Variants in VPS13A observed in about 807,000 individuals in gnomAD.
The protein encoded by VPS13A is vacuolar protein sorting 13 homolog A.
A neutral mutation model predicts 390.9 loss-of-function variants in VPS13A; 264 were observed. That is an observed-to-expected ratio of 0.68 (90% CI 0.61 to 0.75). The LOEUF (loss-of-function observed/expected upper bound fraction) is 0.75. Ranked by LOEUF, VPS13A falls within the 30% of genes least tolerant of loss-of-function variation. The probability of loss-of-function intolerance (pLI) is 0.00; values close to 1 mark genes in which losing one functional copy is unlikely to be tolerated. For missense variants in VPS13A, 3,409 were observed against 3,733.9 expected (o/e 0.91, Z 2.27); for synonymous variants, 1,231 against 1,227.1 (o/e 1.00, Z -0.07).
intron 59 of VPS13A, among the ~76,000 whole-genome samples, chr9:77,361,624 A>G (rs1341351561): frequency 2.6e-5 from 4 of 152,102 alleles, no homozygotes; most frequent in African/African-American, 7.2e-5. Flanking sequence ...TGATTAAGCA[A>G]TTCCAATCCT....
chr9:77,270,118 CCAAGCAGTGAGTTGTTGCTTAA>C, intron 23 of VPS13A, among the ~76,000 whole-genome samples: 1 of 152,162 alleles, frequency 6.6e-6, no homozygotes, highest in African/African-American at 2.4e-5. Flanking sequence ...CGTTTTGGTA[CCAAGCAGTGAGTTGTTGCTTAA>C]CAAGCACTTA....
chr9:77,289,518 G>A (rs937547279), intron 31 of VPS13A, among the ~76,000 whole-genome samples: 3 of 151,668 alleles, frequency 2.0e-5, no homozygotes, highest in African/African-American at 7.3e-5. Flanking sequence ...ATATTTTATT[G>A]TTGTACATAT....
rs781146689 is a variant in VPS13A at position 77,282,204 on chromosome 9, A to G, written c.3048A>G (p.Gln1016=). The change falls in exon 29 of 72, where the codon CAA becomes CAG. Residue 1016 remains glutamine (Q), a synonymous_variant. Coordinates refer to ENST00000360280, the MANE Select transcript of VPS13A (RefSeq NM_033305.3). ...ATTATCTTCATAATATCCTTCCGCA[A>G]TCAGAGGAAAAATCAGCCCCAGTGT... The part of the protein sequence containing the change: ...TINYLHNILP[Q]SEEKSAPVST... 5 of 1,613,508 alleles carry G rather than the reference A, an allele frequency of 3.1e-6. No homozygotes were observed. In the South Asian group the frequency reaches 4.4e-5, roughly 14 times the overall value.
intron 1 of VPS13A, among the ~76,000 whole-genome samples, chr9:77,186,370 A>T (rs995037510): frequency 7.2e-5 from 11 of 152,156 alleles, no homozygotes; most frequent in African/African-American, 2.4e-4. Flanking sequence ...TAATTCTCTA[A>T]TGCTCCTGTG....
At chr9:77,216,880 T>C (rs1035510151) in intron 10 of VPS13A, among the ~76,000 whole-genome samples, 2 of 152,138 alleles carry the variant, frequency 1.3e-5, no homozygotes, top group African/African-American at 2.4e-5. Flanking sequence ...AGGAGAAAGA[T>C]GTAGGCTCAG....
At chr9:77,228,746 G>T (rs558727806) in intron 17 of VPS13A, among the ~76,000 whole-genome samples, 1 of 152,260 alleles carries the variant, frequency 6.6e-6, no homozygotes, top group South Asian at 2.1e-4. Flanking sequence ...AGACTGGGAA[G>T]AAAAAGAGGT....
chr9:77,391,031 T>C (rs568905511), intron 68 of VPS13A, among the ~76,000 whole-genome samples: 2 of 152,158 alleles, frequency 1.3e-5, no homozygotes, highest in Non-Finnish European at 2.9e-5. Context: ...TACGTTCAAT[T>C]TGAGTCTTAC....
At position 77,344,286 on chromosome 9, in the gene VPS13A, GT is replaced by G. The variant is rs747383490; in HGVS notation, c.7155+14del. 5.0e-6 allele frequency: 8 copies of G among 1,606,116 alleles called. No individual in the cohort carries two copies. Among genetic ancestry groups the G allele is most frequent in the South Asian group, 2.2e-5 (2 of 90,726 alleles). On this transcript the variant is annotated splice_donor_region_variant and intron_variant, in intron 51 of 71. Coordinates refer to ENST00000360280, the MANE Select transcript of VPS13A (RefSeq NM_033305.3). ...CTATTGCGTCTAGATAACGAGGTAA[GT>G]TTTTTTTTCTTTTTTGCATGTGTCA...
At position 77,236,268 on chromosome 9, in the gene VPS13A, G is replaced by A. The variant is rs909027607; in HGVS notation, c.1596-1734G>A. 5.3e-5 allele frequency among the ~76,000 whole-genome samples: 8 copies of A among 152,218 alleles called. No individual in the cohort carries two copies. The South Asian group carries it at 1.0e-3, about 20-fold the overall frequency. ...TGTTTGGTTCTTTTTAATAATTTCTGTCGATTTATATTCTGTGCTCAAATG... is the reference window on the plus strand; with the variant it reads ...TGTTTGGTTCTTTTTAATAATTTCTATCGATTTATATTCTGTGCTCAAATG... On this transcript the variant is annotated intron_variant, in intron 17 of 71. Transcript: ENST00000360280.
At chr9:77,247,834 T>A (rs1465904142) in intron 20 of VPS13A, among the ~76,000 whole-genome samples, 2 of 152,078 alleles carry the variant, frequency 1.3e-5, no homozygotes, top group African/African-American at 4.8e-5. Context: ...CTAATTTTTG[T>A]ATTTTTAGTA....
At chr9:77,244,831 T>G (rs116957572) in intron 19 of VPS13A, among the ~76,000 whole-genome samples, 500 of 152,062 alleles carry the variant, frequency 3.3e-3, no homozygotes, top group Non-Finnish European at 5.7e-3. Flanking sequence ...ATGCCCCAAT[T>G]TAGTCTTGGT....
intron 23 of VPS13A, among the ~76,000 whole-genome samples, chr9:77,268,575 G>T (rs928615236): frequency 2.0e-5 from 3 of 152,168 alleles, no homozygotes; most frequent in Non-Finnish European, 2.9e-5. Flanking sequence ...GGAGCTGCAG[G>T]TTGGAGTTGT....
intron 19 of VPS13A, among the ~76,000 whole-genome samples, chr9:77,243,497 T>C (rs1038754822): frequency 1.3e-5 from 2 of 152,164 alleles, no homozygotes; most frequent in Non-Finnish European, 2.9e-5. Context: ...TGTTGTCAAC[T>C]ATGGCATGAG....
At chr9:77,401,064 C>T (rs1200463195) in intron 68 of VPS13A, among the ~76,000 whole-genome samples, 3 of 152,010 alleles carry the variant, frequency 2.0e-5, no homozygotes, top group Non-Finnish European at 4.4e-5. Context: ...TTTATAATGT[C>T]GTATATGCAT....
chr9:77,256,170 A>G (rs958939489), intron 22 of VPS13A, among the ~76,000 whole-genome samples: 8 of 152,144 alleles, frequency 5.3e-5, no homozygotes, highest in African/African-American at 1.7e-4. Flanking sequence ...GCTGCATCCT[A>G]TGAATTTTGG....
intron 10 of VPS13A, among the ~76,000 whole-genome samples, chr9:77,216,656 TAGGGTTCTCTAG>T (rs750059838): frequency 1.4e-4 from 21 of 152,140 alleles, no homozygotes; most frequent in Non-Finnish European, 2.5e-4. Flanking sequence ...TGAGGTATGT[TAGGGTTCTCTAG>T]AGGGACAGAA....
In VPS13A at chr9:77,317,610, T is replaced by G. The variant is rs756650395; in HGVS notation, c.4868T>G (p.Leu1623Trp). 2.5e-6 allele frequency: 4 copies of G among 1,599,336 alleles called. No homozygotes were observed. In the African/African-American group the frequency reaches 5.4e-5, roughly 21 times the overall value. The change falls in exon 40 of 72, where the codon TTG becomes TGG. Residue 1623 changes from leucine to tryptophan, a missense_variant. By Grantham distance (61) the Leu-to-Trp change is moderately conservative. Coordinates refer to ENST00000360280, the MANE Select transcript of VPS13A (RefSeq NM_033305.3). ...VKRKGKITTV[L>W]QPCDLFYQTT... ...GTATTGATTTTTCTCTCATAGGTTT[T>G]GCAGCCCTGTGACTTGTTTTATCAA...
chr9:77,195,073 A>G (rs1174550169), intron 1 of VPS13A, among the ~76,000 whole-genome samples: 3 of 151,876 alleles, frequency 2.0e-5, no homozygotes, highest in South Asian at 2.1e-4. Flanking sequence ...CTTTCTCCCT[A>G]TGCTTTATTC....
rs756352193 is a variant in VPS13A at position 77,370,559 on chromosome 9, G to A, written c.8888G>A (p.Gly2963Glu). Reference protein sequence around the residue: ...PAGFREGITRGGKGLVSGFVS... With the variant: ...PAGFREGITREGKGLVSGFVS... ...GGTTTTAGAGAAGGCATCACTCGTGGAGGAAAAGGCTTAGTTTCTGTAAGA... is the reference window on the plus strand; with the variant it reads ...GGTTTTAGAGAAGGCATCACTCGTGAAGGAAAAGGCTTAGTTTCTGTAAGA... Residue 2963 changes from glycine (G) to glutamate (E), a missense_variant, in exon 65 of 72, where the codon GGA becomes GAA. Coordinates refer to ENST00000360280, the MANE Select transcript of VPS13A (RefSeq NM_033305.3). 1 of 1,614,150 alleles carries A rather than the reference G, an allele frequency of 6.2e-7. No homozygotes were observed. Among genetic ancestry groups the A allele is most frequent in the East Asian group, 2.2e-5 (1 of 44,880 alleles).
Sources: allele counts gnomAD v4.1 joint callset (sites outside exome capture counted in the v4.1 genomes callset), GRCh38; gene constraint gnomAD v4.1.1; transcripts MANE v1.5; gene names NCBI Gene and HGNC (gene_info 2026-07-23, HGNC 2026-07-21).